The following LRRIQ3 variants were observed in gnomAD, a reference collection of about 807,000 sequenced individuals.
LRRIQ3 encodes the protein leucine-rich repeat and IQ domain-containing protein 3.
LRRIQ3 carries 75 observed loss-of-function variants against 59.3 expected under a neutral mutation model. The ratio of observed to expected loss-of-function variants is 1.26; its 90% CI spans 1.05 to 1.53. The LOEUF (loss-of-function observed/expected upper bound fraction) is 1.53. LRRIQ3 is among the 40% of genes most tolerant of loss of function. The probability of loss-of-function intolerance (pLI) is 0.00; values close to 1 mark genes in which losing one functional copy is unlikely to be tolerated. For synonymous variants in LRRIQ3, 250 were observed against 231.3 expected (o/e 1.08, Z -0.73); for missense variants, 831 against 710.0 (o/e 1.17, Z -1.94).
At chr1:74,162,640 G>A (rs1648727964) in intron 3 of LRRIQ3, among the ~76,000 whole-genome samples, 1 of 151,738 alleles carries the variant, frequency 6.6e-6, no homozygotes, top group Non-Finnish European at 1.5e-5. Context: ...ATAAAATGAT[G>A]CAAAACAATT....
chr1:74,132,573 C>T (rs1269082264), intron 4 of LRRIQ3, among the ~76,000 whole-genome samples: 1 of 152,014 alleles, frequency 6.6e-6, no homozygotes, highest in Non-Finnish European at 1.5e-5. Context: ...CATCTACAAC[C>T]ATCTGATCTT....
chr1:74,034,626 GCA>G (rs1470512793), intron 7 of LRRIQ3, among the ~76,000 whole-genome samples: 10 of 83,600 alleles, frequency 1.2e-4, no homozygotes, highest in African/African-American at 3.3e-4. Context: ...TATTTCCAAA[GCA>G]CACACAGACA....
intron 3 of LRRIQ3, among the ~76,000 whole-genome samples, chr1:74,161,402 T>C (rs1231873974): frequency 1.3e-5 from 2 of 152,074 alleles, no homozygotes; most frequent in African/African-American, 4.8e-5. Context: ...TAATAATATT[T>C]TGTAAGAATA....
chr1:74,101,044 A>C (rs1276401137), intron 5 of LRRIQ3, among the ~76,000 whole-genome samples: 2 of 152,086 alleles, frequency 1.3e-5, no homozygotes, highest in Non-Finnish European at 2.9e-5. Context: ...GCAACAAAAG[A>C]CAAAATTGAC....
intron 6 of LRRIQ3, among the ~76,000 whole-genome samples, chr1:74,056,723 A>G (rs1437526010): frequency 6.6e-6 from 1 of 152,196 alleles, no homozygotes; most frequent in African/African-American, 2.4e-5. Flanking sequence ...GAACACAAAA[A>G]TAAATGGAAA....
intron 7 of LRRIQ3, among the ~76,000 whole-genome samples, chr1:74,032,947 A>G (rs1653762354): frequency 6.6e-6 from 1 of 152,084 alleles, no homozygotes; most frequent in Admixed American, 6.6e-5. Context: ...AATATAAAAT[A>G]TATAGAATTT....
At chr1:74,094,224 A>C (rs1379017592) in intron 5 of LRRIQ3, among the ~76,000 whole-genome samples, 1 of 152,078 alleles carries the variant, frequency 6.6e-6, no homozygotes, top group Non-Finnish European at 1.5e-5. Context: ...ATATAGCCAC[A>C]CAAGTTTAGA....
chr1:74,164,099 T>A (rs1268458598), intron 3 of LRRIQ3, among the ~76,000 whole-genome samples: 1 of 151,182 alleles, frequency 6.6e-6, no homozygotes, highest in Non-Finnish European at 1.5e-5. Flanking sequence ...GTTTCATATG[T>A]TTTTGACGTG....
chr1:74,034,757 T>C (rs115687201), intron 7 of LRRIQ3, among the ~76,000 whole-genome samples: 7,560 of 151,690 alleles, frequency 0.05, 272 homozygotes, highest in Non-Finnish European at 0.07. Context: ...ATAAAACACA[T>C]CAGTAAATAG....
intron 5 of LRRIQ3, among the ~76,000 whole-genome samples, chr1:74,105,576 T>C (rs894526856): frequency 2.6e-5 from 4 of 151,918 alleles, no homozygotes; most frequent in African/African-American, 9.7e-5. Flanking sequence ...TAAAAAGTTA[T>C]CTTGTTGCTA....
At chr1:74,109,027 T>G in intron 5 of LRRIQ3, 1 of 231,368 alleles carries the variant, frequency 4.3e-6, no homozygotes, top group South Asian at 5.4e-5. Context: ...TAATATAGCA[T>G]AAAACCAATG....
In LRRIQ3 at chr1:74,060,671, A is replaced by G. The variant is rs188292893; in HGVS notation, c.997+13990T>C. ...CTAATAGAGATCACTTAAGCCCAGG[A>G]GTTTGAGTTCACAGTGGGCAACATA... On this transcript the variant is annotated intron_variant, in intron 6 of 7. Transcript: ENST00000354431. Among the ~76,000 whole-genome samples, 248 of 152,084 alleles carry G rather than the reference A, an allele frequency of 1.6e-3. 6 individuals carry two copies. The South Asian group carries it at 0.05, about 31-fold the overall frequency.
chr1:74,065,701 A>G (rs1654846877), intron 6 of LRRIQ3, among the ~76,000 whole-genome samples: 1 of 152,114 alleles, frequency 6.6e-6, no homozygotes, highest in Non-Finnish European at 1.5e-5. Flanking sequence ...CTTTCAGTCT[A>G]AATATTTGTA....
At chr1:74,106,630 C>T (rs374452870) in intron 5 of LRRIQ3, among the ~76,000 whole-genome samples, 55 of 151,956 alleles carry the variant, frequency 3.6e-4, no homozygotes, top group African/African-American at 1.3e-3. Context: ...GTCAAAGCCC[C>T]GGTGGGGTAT....
chr1:74,066,475 C>A (rs1237736534), intron 6 of LRRIQ3, among the ~76,000 whole-genome samples: 3 of 151,964 alleles, frequency 2.0e-5, no homozygotes, highest in African/African-American at 7.3e-5. Flanking sequence ...AGCTACTTTT[C>A]ATAATACATT....
chr1:74,084,260 A>G, intron 5 of LRRIQ3: 1 of 1,519,474 alleles, frequency 6.6e-7, no homozygotes, highest in Non-Finnish European at 8.9e-7. Context: ...GGAAAAAATC[A>G]GTTAAACTCT....
intron 3 of LRRIQ3, among the ~76,000 whole-genome samples, chr1:74,161,815 C>A (rs529897266): frequency 6.6e-6 from 1 of 151,788 alleles, no homozygotes; most frequent in Non-Finnish European, 1.5e-5. Flanking sequence ...AATACTTAAG[C>A]TTTCTGATGT....
intron 6 of LRRIQ3, among the ~76,000 whole-genome samples, chr1:74,063,813 T>A (rs1654796085): frequency 6.6e-6 from 1 of 151,660 alleles, no homozygotes; most frequent in Admixed American, 6.6e-5. Context: ...AAAAAGTATG[T>A]AGGTAGATTG....
intron 4 of LRRIQ3, among the ~76,000 whole-genome samples, chr1:74,143,901 G>A (rs573654666): frequency 6.6e-6 from 1 of 151,592 alleles, no homozygotes; most frequent in Admixed American, 6.6e-5. Flanking sequence ...AAATCTTTAA[G>A]GTGAGTAATT....
Sources: gnomAD v4.1 joint callset for allele counts (sites outside exome capture counted in the v4.1 genomes callset) on GRCh38, gnomAD v4.1.1 for gene constraint, MANE v1.5 for transcripts, NCBI Gene and HGNC (gene_info 2026-07-23, HGNC 2026-07-21) for gene names.